The following CRYBG2 variants were observed in gnomAD, a reference collection of about 807,000 sequenced individuals.
CRYBG2 encodes crystallin beta-gamma domain containing 2, also known as beta/gamma crystallin domain-containing protein 2.
In CRYBG2, 106 loss-of-function variants were observed where a neutral mutation model predicts 153.4. That is an observed-to-expected ratio of 0.69 (90% CI 0.59 to 0.81). The LOEUF (loss-of-function observed/expected upper bound fraction) is 0.81, where lower values mean the gene tolerates loss of function less well. CRYBG2 is among the 30% of genes least tolerant of loss of function. The pLI is 0.00. For synonymous variants in CRYBG2, 851 were observed against 877.8 expected (o/e 0.97, Z 0.54); for missense variants, 1,996 against 2,112.0 (o/e 0.95, Z 1.08).
rs1257447082 is a variant in CRYBG2 at position 26,325,418 on chromosome 1, G to A, written c.4579-1108C>T. Among the ~76,000 whole-genome samples, 1 of 152,124 alleles carries A rather than the reference G, an allele frequency of 6.6e-6. No homozygotes were observed. Among genetic ancestry groups the A allele is most frequent in the Non-Finnish European group, 1.5e-5 (1 of 68,032 alleles). ...ACCAAAAATACAAAAAAATTAGCCA[G>A]GTGTGGTGGCACACGCCTGTAATCA... On this transcript the variant is annotated intron_variant, in intron 17 of 19. Coordinates refer to ENST00000308182, the MANE Select transcript of CRYBG2 (RefSeq NM_001039775.4). The surrounding 1 kb of genome is among the most constrained non-coding windows in gnomAD (Gnocchi z 4.1).
At chr1:26,341,395 C>T (rs2074127853) in intron 5 of CRYBG2, among the ~76,000 whole-genome samples, 1 of 152,098 alleles carries the variant, frequency 6.6e-6, no homozygotes, top group South Asian at 2.1e-4. Flanking sequence ...CTGATAGACA[C>T]TGCTTTTACA....
In CRYBG2 at chr1:26,331,601, T is replaced by C. The variant is rs994270599; in HGVS notation, c.4202A>G (p.Glu1401Gly). 6.2e-7 allele frequency: 1 copy of C among 1,613,988 alleles called. No individual in the cohort carries two copies. Among genetic ancestry groups the C allele is most frequent in the Non-Finnish European group, 8.5e-7 (1 of 1,180,010 alleles). Residue 1401 changes from glutamate to glycine, a missense_variant, in exon 15 of 20, where the codon GAG (glutamate) becomes GGG (glycine). By Grantham distance (98) the Glu-to-Gly change is moderately conservative. Coordinates refer to ENST00000308182, the MANE Select transcript of CRYBG2 (RefSeq NM_001039775.4). ...GTGCTGGTCACCCTCGAAGTTCGTC[T>C]CATCAAACAGGATCCAGCTAGGGAA... ...VHGGSWILFD[E>G]TNFEGDQHIL...
In CRYBG2 at chr1:26,325,790, TCAGA is replaced by T. The variant is rs2073917751; in HGVS notation, c.4579-1484_4579-1481del. Among the ~76,000 whole-genome samples the T allele has an allele frequency of 6.6e-6, 1 of 152,128 alleles. No homozygotes were observed. Among genetic ancestry groups the T allele is most frequent in the Admixed American group, 6.6e-5 (1 of 15,260 alleles). On this transcript the variant is annotated intron_variant, in intron 17 of 19. Coordinates refer to ENST00000308182, the MANE Select transcript of CRYBG2 (RefSeq NM_001039775.4). This position sits in a 1 kb window ranked among gnomAD's most constrained non-coding sequence, Gnocchi z 4.1. ...ACATGTGCATTAATGATACTGATGT[TCAGA>T]CATGCAGGCACGGACATACAGAAAC...
chr1:26,335,025 C>A (rs186463961), intron 14 of CRYBG2, among the ~76,000 whole-genome samples: 10 of 152,078 alleles, frequency 6.6e-5, no homozygotes, highest in Non-Finnish European at 7.4e-5. Flanking sequence ...GGCATTATAA[C>A]TTTGAAACAC....
chr1:26,322,319 G>C lies in CRYBG2; in HGVS notation c.4742C>G (p.Ala1581Gly). 6.2e-7 allele frequency: 1 copy of C among 1,610,012 alleles called. No individual in the cohort carries two copies. Among genetic ancestry groups the C allele is most frequent in the Non-Finnish European group, 8.5e-7 (1 of 1,177,978 alleles). Residue 1581 changes from alanine to glycine, a missense_variant, in exon 19 of 20, where the codon GCC becomes GGC. Physicochemically the swap from Ala to Gly is moderately conservative, Grantham distance 60. Transcript: ENST00000308182. ...YEDGLLKNQM[A>G]PTMSLQVIGP... ...AATCACCTGTAGGCTCATGGTGGGG[G>C]CCATCTGAGGCCCCAGGAGGTCATC...
Position 26,345,112 on chromosome 1 carries a change from G to A in CRYBG2, c.1546C>T (p.Gln516Ter), listed in dbSNP as rs2074193930. Reference sequence around the variant, plus strand: ...AAGGCAGCAGGAGCACTGGACCCCTGCACCACCTCCTTCTGGGTGGGAGAT... The same window carrying A: ...AAGGCAGCAGGAGCACTGGACCCCTACACCACCTCCTTCTGGGTGGGAGAT... ...ASSPTQKEVV[Q>*]GSSAPAALFP... Residue 516 changes from glutamine (Q) to a stop codon, truncating the protein, a stop_gained, in exon 2 of 20, where the codon CAG becomes TAG. Coordinates refer to ENST00000308182, the MANE Select transcript of CRYBG2 (RefSeq NM_001039775.4). LOFTEE classifies it high-confidence loss of function. 3 of 1,025,734 alleles carry A rather than the reference G, an allele frequency of 2.9e-6. No homozygotes were observed. Among genetic ancestry groups the A allele is most frequent in the Admixed American group, 2.9e-5 (1 of 34,664 alleles). 63.5% of individuals were successfully genotyped at this position (1,025,734 alleles called of 1,614,324 possible).
rs1424406436 is a variant in CRYBG2 at position 26,346,409 on chromosome 1, A to G, written c.249T>C (p.Asp83=). 1 of 1,600,202 alleles carries G rather than the reference A, an allele frequency of 6.2e-7. No homozygotes were observed. Among genetic ancestry groups the G allele is most frequent in the Non-Finnish European group, 8.5e-7 (1 of 1,179,684 alleles). ...TCTGGAAGTTCTTGGAGCCAGCTGTATCCCGAGGGCCCTGGCAATTCACAG... is the reference window on the plus strand; with the variant it reads ...TCTGGAAGTTCTTGGAGCCAGCTGTGTCCCGAGGGCCCTGGCAATTCACAG... ...EETVNCQGPR[D]TAGSKNFQSH... The change falls in exon 2 of 20, where the codon GAT becomes GAC. Residue 83 remains aspartate, a synonymous_variant. Transcript: ENST00000308182. This position sits in a 1 kb window ranked among gnomAD's most constrained non-coding sequence, Gnocchi z 4.9.
rs1311574613 is a variant in CRYBG2 at position 26,343,283 on chromosome 1, A to G, written c.2924T>C (p.Leu975Ser). 6.5e-7 allele frequency: 1 copy of G among 1,549,678 alleles called. No homozygotes were observed. The highest frequency in any genetic ancestry group is 1.4e-5 in the African/African-American group (1 of 72,744). Reference sequence around the variant, plus strand: ...GGTGTTCAGCTTGCCCTGGGTCTTTAAGGCTGGGCTCTGAAACGGAGGCAG... The same window carrying G: ...GGTGTTCAGCTTGCCCTGGGTCTTTGAGGCTGGGCTCTGAAACGGAGGCAG... ...SLPLEGWSPA[L>S]KTQGKLNTRP... The change falls in exon 3 of 20, where the codon TTA (leucine) becomes TCA (serine). Residue 975 changes from leucine to serine, a missense_variant. Physicochemically the swap from Leu to Ser is moderately radical, Grantham distance 145 (BLOSUM62 -2). Coordinates refer to ENST00000308182, the MANE Select transcript of CRYBG2 (RefSeq NM_001039775.4). The surrounding 1 kb of genome is among the most constrained non-coding windows in gnomAD (Gnocchi z 4.1).
intron 7 of CRYBG2, 121 bp from the exon 8 acceptor site, chr1:26,338,168 CT>C: frequency 6.9e-7 from 1 of 1,446,970 alleles, no homozygotes. Flanking sequence ...TCCCCTACCT[CT>C]TAGGTTAATC....
Position 26,336,400 on chromosome 1 carries a change from G to A in CRYBG2, c.4039-30C>T. ...AGGTAGGGACCGAATCGAGAATTAGGGAGGGTGCCGGCCCCTAGCCTTGTC... is the reference window on the plus strand; with the variant it reads ...AGGTAGGGACCGAATCGAGAATTAGAGAGGGTGCCGGCCCCTAGCCTTGTC... On this transcript the variant is annotated intron_variant, in intron 12 of 19. Coordinates refer to ENST00000308182, the MANE Select transcript of CRYBG2 (RefSeq NM_001039775.4). This position sits in a 1 kb window ranked among gnomAD's most constrained non-coding sequence, Gnocchi z 4.9. 1.9e-6 allele frequency: 3 copies of A among 1,611,470 alleles called. No individual in the cohort carries two copies. Among genetic ancestry groups the A allele is most frequent in the Non-Finnish European group, 2.5e-6 (3 of 1,178,808 alleles).
Position 26,322,284 on chromosome 1 carries a change from TA to T in CRYBG2, c.4776del (p.Ser1593AlafsTer39), listed in dbSNP as rs775894603. 60 of 1,613,746 alleles carry T rather than the reference TA, an allele frequency of 3.7e-5. 1 individual carries two copies. In the South Asian group the frequency reaches 6.5e-4, roughly 17 times the overall value. On this transcript the variant is annotated frameshift_variant, in exon 19 of 20. Coordinates refer to ENST00000308182, the MANE Select transcript of CRYBG2 (RefSeq NM_001039775.4). LOFTEE classifies it high-confidence loss of function. ...PTMSLQVIGP[P>X]SPGSKVVLWA... is the part of the protein sequence containing the mutation. ...CACAGCACCACCTTGGAGCCTGGGC[TA>T]GGGGGTCCAATCACCTGTAGGCTCA...
chr1:26,328,908 G>A (rs1267838042), intron 15 of CRYBG2, 35 bp from the exon 16 acceptor site: 7 of 1,611,296 alleles, frequency 4.3e-6, no homozygotes, highest in Non-Finnish European at 5.9e-6. Flanking sequence ...GTGAGGCTCT[G>A]AGAGCCCAAG....
In CRYBG2 at chr1:26,345,485, T is replaced by C; in HGVS notation, c.1173A>G (p.Lys391=). 1 of 1,591,500 alleles carries C rather than the reference T, an allele frequency of 6.3e-7. No individual in the cohort carries two copies. Among genetic ancestry groups the C allele is most frequent in the Non-Finnish European group, 8.6e-7 (1 of 1,167,978 alleles). The part of the protein sequence containing the change: ...ARLTPLVLPP[K]KKDGPVDPPA... ...GGGGGTCCACGGGCCCGTCCTTTTT[T>C]TTAGGGGGCAGAACAAGGGGAGTGA... Residue 391 remains lysine (K), a synonymous_variant, in exon 2 of 20, where the codon AAA becomes AAG. Transcript: ENST00000308182.
Position 26,345,318 on chromosome 1 carries a change from A to G in CRYBG2, c.1340T>C (p.Val447Ala), listed in dbSNP as rs1323972476. Residue 447 changes from valine (V) to alanine (A), a missense_variant, in exon 2 of 20, where the codon GTT becomes GCT. By Grantham distance (64) the Val-to-Ala change is moderately conservative (BLOSUM62 0). Coordinates refer to ENST00000308182, the MANE Select transcript of CRYBG2 (RefSeq NM_001039775.4). ...SAPSSPRNKF[V>A]QNSENVPVLP... The stretch of plus-strand genomic sequence containing the variant: ...GACAGGGACATTTTCAGAGTTCTGA[A>G]CAAACTTATTCCTTGGGGACGATGG... The G allele has an allele frequency of 1.9e-6, 3 of 1,613,588 alleles. No homozygotes were observed. The highest frequency in any genetic ancestry group is 2.7e-5 in the African/African-American group (2 of 75,030).
chr1:26,328,798 C>T lies in CRYBG2; in HGVS notation c.4390G>A (p.Val1464Met), dbSNP rs2073963833. The T allele has an allele frequency of 6.2e-7, 1 of 1,614,140 alleles. No homozygotes were observed. Among genetic ancestry groups the T allele is most frequent in the Non-Finnish European group, 8.5e-7 (1 of 1,180,038 alleles). Residue 1464 changes from valine (V) to methionine (M), a missense_variant, in exon 16 of 20, where the codon GTG (valine) becomes ATG (methionine). Physicochemically the swap from Val to Met is conservative, Grantham distance 21. Transcript: ENST00000308182. ...AAGCCCTCGGCTTGCAGGCTCCGCACCTCCCTGCTGAGCTCGATCTCCTTC... is the reference window on the plus strand; with the variant it reads ...AAGCCCTCGGCTTGCAGGCTCCGCATCTCCCTGCTGAGCTCGATCTCCTTC... The part of the protein sequence containing the change: ...EGKEIELSRE[V>M]RSLQAEGFNN...
intron 14 of CRYBG2, among the ~76,000 whole-genome samples, chr1:26,335,522 G>A (rs534078515): frequency 4.7e-4 from 72 of 152,234 alleles, no homozygotes; most frequent in African/African-American, 1.6e-3. Context: ...GGTCGGCCAG[G>A]CACGGTGGCT....
chr1:26,344,317 G>C lies in CRYBG2; in HGVS notation c.2341C>G (p.Arg781Gly). 6.6e-7 allele frequency: 1 copy of C among 1,507,106 alleles called. No homozygotes were observed. The highest frequency in any genetic ancestry group is 1.3e-5 in the South Asian group (1 of 79,394). 93.4% of individuals were successfully genotyped at this position (1,507,106 alleles called of 1,614,324 possible). A position where few individuals can be genotyped will look rare whatever the true frequency, so the allele number is the denominator to read the frequency against. Residue 781 changes from arginine (R) to glycine (G), a missense_variant, in exon 2 of 20, where the codon CGC becomes GGC. Arg to Gly is a moderately radical substitution (Grantham distance 125). Coordinates refer to ENST00000308182, the MANE Select transcript of CRYBG2 (RefSeq NM_001039775.4). ...GGGGCTCGTGGCAGCCGGTGAGTGC[G>C]GAGGATCTCAGGGGGCTCCATGCTC... is the stretch of plus-strand genomic sequence containing the variant. ...LRSMEPPEIL[R>G]THRLPRAPRS...
chr1:26,336,912 G>T lies in CRYBG2; in HGVS notation c.3840C>A (p.Ser1280Arg). The T allele has an allele frequency of 6.2e-7, 1 of 1,612,562 alleles. No homozygotes were observed. The highest frequency in any genetic ancestry group is 1.1e-5 in the South Asian group (1 of 90,716). The change falls in exon 11 of 20, where the codon AGC becomes AGA. Residue 1280 changes from serine (S) to arginine (R), a missense_variant. Coordinates refer to ENST00000308182, the MANE Select transcript of CRYBG2 (RefSeq NM_001039775.4). This position sits in a 1 kb window ranked among gnomAD's most constrained non-coding sequence, Gnocchi z 4.9. ...CCAGCTCCACATCCGGCAATGCCTT[G>T]CTCACCTCCACGCCGTGCCCCTCGA... ...MDFEGHGVEVSKALPDVELVQ... is the reference protein window; with the variant it reads ...MDFEGHGVEVRKALPDVELVQ...
In CRYBG2 at chr1:26,325,086, G is replaced by T. The variant is rs767073788; in HGVS notation, c.4579-776C>A. 2.1e-4 allele frequency: 32 copies of T among 152,278 alleles called. No homozygotes were observed. The highest frequency in any genetic ancestry group is 7.7e-4 in the African/African-American group (32 of 41,558). 9.4% of individuals were successfully genotyped at this position (152,278 alleles called of 1,614,324 possible). A position where few individuals can be genotyped will look rare whatever the true frequency, so the allele number is the denominator to read the frequency against. The stretch of plus-strand genomic sequence containing the variant: ...TTGCCCAAGATTGCAGAGCAAATCC[G>T]TGTCCACTTCTCTGGGCCTTTATTT... On this transcript the variant is annotated intron_variant, in intron 17 of 19. Coordinates refer to ENST00000308182, the MANE Select transcript of CRYBG2 (RefSeq NM_001039775.4). This position sits in a 1 kb window ranked among gnomAD's most constrained non-coding sequence, Gnocchi z 4.1.
Sources: gnomAD v4.1 joint callset for allele counts (sites outside exome capture counted in the v4.1 genomes callset) on GRCh38, gnomAD v4.1.1 for gene constraint, Gnocchi (gnomAD v3.1) non-coding constraint, MANE v1.5 for transcripts, NCBI Gene and HGNC (gene_info 2026-07-23, HGNC 2026-07-21) for gene names.